Variants in TFEC observed in about 807,000 individuals in gnomAD.
The protein encoded by TFEC is transcription factor EC, also known as class E basic helix-loop-helix protein 34.
Under a neutral mutation model 41.6 loss-of-function variants are expected in TFEC, and 31 were observed. The observed-to-expected ratio is 0.74, with a 90% CI of 0.56 to 1.01. The LOEUF (loss-of-function observed/expected upper bound fraction) is 1.01, where lower values mean the gene tolerates loss of function less well. Among genes scored for constraint, TFEC ranks in the 50% least tolerant of loss-of-function variants. TFEC has a pLI of 0.00. For synonymous variants in TFEC, 143 were observed against 140.6 expected (o/e 1.02, Z -0.12); for missense variants, 402 against 404.1 (o/e 0.99, Z 0.04).
chr7:116,159,864 T>G (rs1038405442), exon 1 of TFEC: 1 of 152,128 alleles, frequency 6.6e-6, no homozygotes, highest in Non-Finnish European at 1.5e-5. Flanking sequence ...ATAAGCATTA[T>G]CTTTCTGTTT....
At chr7:116,052,117 G>C (rs1284117940) in intron 3 of TFEC, among the ~76,000 whole-genome samples, 1 of 150,950 alleles carries the variant, frequency 6.6e-6, no homozygotes, top group Non-Finnish European at 1.5e-5. Flanking sequence ...GCAAATGAGG[G>C]GATTGGTCAA....
chr7:116,092,856 C>G (rs1797361104), intron 3 of TFEC, among the ~76,000 whole-genome samples: 1 of 152,062 alleles, frequency 6.6e-6, no homozygotes, highest in South Asian at 2.1e-4. Flanking sequence ...AATCCTATGT[C>G]CAGAAAATAT....
intron 6 of TFEC, among the ~76,000 whole-genome samples, chr7:115,948,643 C>T (rs1791747352): frequency 6.6e-6 from 1 of 151,794 alleles, no homozygotes; most frequent in Non-Finnish European, 1.5e-5. Flanking sequence ...TGACAAAATT[C>T]AACAACCCTT....
At chr7:116,129,184 C>A (rs183780565) in intron 1 of TFEC, among the ~76,000 whole-genome samples, 2 of 152,030 alleles carry the variant, frequency 1.3e-5, no homozygotes, top group African/African-American at 4.8e-5. Flanking sequence ...TTTATTTTGT[C>A]GAAGGGTTCT....
chr7:116,042,691 G>C (rs1466201867), intron 3 of TFEC, among the ~76,000 whole-genome samples: 1 of 152,132 alleles, frequency 6.6e-6, no homozygotes, highest in Non-Finnish European at 1.5e-5. Flanking sequence ...CCAACAGTAT[G>C]CAGGACTGAT....
At chr7:116,133,788 A>G (rs981183321) in intron 1 of TFEC, among the ~76,000 whole-genome samples, 1 of 152,212 alleles carries the variant, frequency 6.6e-6, no homozygotes, top group Non-Finnish European at 1.5e-5. Context: ...AGTAAACGCT[A>G]AAACTTTATG....
At chr7:116,129,023 A>C (rs1798273849) in intron 1 of TFEC, among the ~76,000 whole-genome samples, 1 of 152,188 alleles carries the variant, frequency 6.6e-6, no homozygotes, top group African/African-American at 2.4e-5. Context: ...TGAAAAAAAA[A>C]CCAAAGTCCA....
chr7:116,093,417 A>G (rs1469258744), intron 3 of TFEC, among the ~76,000 whole-genome samples: 1 of 152,192 alleles, frequency 6.6e-6, no homozygotes, highest in East Asian at 1.9e-4. Context: ...CAGAAAGAAA[A>G]GAAAAGCATT....
intron 1 of TFEC, among the ~76,000 whole-genome samples, chr7:116,000,560 A>G (rs1256073532): frequency 1.3e-5 from 2 of 152,176 alleles, no homozygotes; most frequent in Non-Finnish European, 2.9e-5. Flanking sequence ...ACTCCACACA[A>G]AAAAGCTATT....
At chr7:116,097,662 A>T (rs1797499384) in intron 3 of TFEC, among the ~76,000 whole-genome samples, 1 of 152,206 alleles carries the variant, frequency 6.6e-6, no homozygotes, top group African/African-American at 2.4e-5. Context: ...CTCAGAATGG[A>T]GCACAATTCA....
At chr7:115,979,043 G>A (rs892179958) in intron 2 of TFEC, among the ~76,000 whole-genome samples, 3 of 152,068 alleles carry the variant, frequency 2.0e-5, no homozygotes, top group African/African-American at 4.8e-5. Context: ...ACATCTCCAC[G>A]TGATGATCTC....
At chr7:116,071,916 G>T in intron 3 of TFEC, among the ~76,000 whole-genome samples, 1 of 151,414 alleles carries the variant, frequency 6.6e-6, no homozygotes, top group East Asian at 1.9e-4. Flanking sequence ...AGTAACAGTA[G>T]TATTACTTAA....
At chr7:116,118,742 T>A (rs556095239) in intron 1 of TFEC, among the ~76,000 whole-genome samples, 1 of 151,718 alleles carries the variant, frequency 6.6e-6, no homozygotes. Context: ...AAAGATACAG[T>A]AGGAGATATT....
intron 3 of TFEC, among the ~76,000 whole-genome samples, chr7:116,097,834 T>C (rs1227989540): frequency 6.6e-6 from 1 of 152,072 alleles, no homozygotes; most frequent in Non-Finnish European, 1.5e-5. Flanking sequence ...AACAAAACTA[T>C]CCAATGATAT....
chr7:116,090,999 A>G (rs927280367), intron 3 of TFEC, among the ~76,000 whole-genome samples: 5 of 151,826 alleles, frequency 3.3e-5, no homozygotes, highest in African/African-American at 1.2e-4. Context: ...TAGCATCAGG[A>G]GAAGTACCTA....
intron 3 of TFEC, among the ~76,000 whole-genome samples, chr7:116,045,410 G>A (rs1796140090): frequency 6.6e-6 from 1 of 152,220 alleles, no homozygotes; most frequent in Admixed American, 6.5e-5. Flanking sequence ...CTCATGCTGT[G>A]TGCAGCCTAG....
chr7:116,111,894 T>C (rs1797862861), intron 2 of TFEC: 2 of 507,596 alleles, frequency 3.9e-6, no homozygotes, highest in Non-Finnish European at 2.6e-6. Flanking sequence ...GTTTATAAGA[T>C]ATCATACCAC....
chr7:116,094,484 TC>T (rs1797404090), intron 3 of TFEC, among the ~76,000 whole-genome samples: 1 of 151,896 alleles, frequency 6.6e-6, no homozygotes, highest in East Asian at 1.9e-4. Flanking sequence ...ATCGAGACCA[TC>T]CTGGCTAATA....
At chr7:116,088,016 G>A (rs1339859962) in intron 3 of TFEC, among the ~76,000 whole-genome samples, 1 of 152,058 alleles carries the variant, frequency 6.6e-6, no homozygotes, top group Non-Finnish European at 1.5e-5. Context: ...CCATCTCTGA[G>A]ATAAATATAC....
Sources: allele counts gnomAD v4.1 joint callset (sites outside exome capture counted in the v4.1 genomes callset), GRCh38; gene constraint gnomAD v4.1.1; transcripts MANE v1.5; gene names NCBI Gene and HGNC (gene_info 2026-07-23, HGNC 2026-07-21).